The following DLGAP2 variants were observed in gnomAD, a reference collection of about 807,000 sequenced individuals.
DLGAP2 encodes the protein DLG associated protein 2.
In DLGAP2, 26 loss-of-function variants were observed where a neutral mutation model predicts 100.3. That is an observed-to-expected ratio of 0.26 (90% CI 0.19 to 0.36). The LOEUF (loss-of-function observed/expected upper bound fraction) is 0.36, where lower values mean the gene tolerates loss of function less well. Among genes scored for constraint, DLGAP2 ranks in the 10% least tolerant of loss-of-function variants. The pLI is 1.00. For missense variants in DLGAP2, 1,858 were observed against 1,453.2 expected (o/e 1.28, Z -4.53); for synonymous variants, 886 against 630.1 (o/e 1.41, Z -6.08).
At chr8:771,610 T>C (rs1313260691) in intron 1 of DLGAP2, among the ~76,000 whole-genome samples, 1 of 152,202 alleles carries the variant, frequency 6.6e-6, no homozygotes, top group African/African-American at 2.4e-5. Context: ...CCCAGGTGGT[T>C]TAGTTAAGAG....
chr8:1,641,274 C>T (rs1797892267), intron 8 of DLGAP2, among the ~76,000 whole-genome samples: 1 of 152,174 alleles, frequency 6.6e-6, no homozygotes, highest in African/African-American at 2.4e-5. Context: ...CATATGTAAG[C>T]CAGAATTGCT....
intron 1 of DLGAP2, among the ~76,000 whole-genome samples, chr8:778,290 C>T (rs191962246): frequency 2.8e-4 from 42 of 152,250 alleles, no homozygotes; most frequent in African/African-American, 9.1e-4. Flanking sequence ...CTTTGGTTTG[C>T]GTGTCCTCTC....
intron 2 of DLGAP2, among the ~76,000 whole-genome samples, chr8:1,212,006 CT>C (rs1262809146): frequency 6.6e-6 from 1 of 152,250 alleles, no homozygotes; most frequent in Non-Finnish European, 1.5e-5. Context: ...GCTCTTGGTT[CT>C]TGGTCCTTCA....
At position 737,774 on chromosome 8, in the gene DLGAP2, C is replaced by A. The variant is rs1001845339; in HGVS notation, c.-34C>A. 7 of 377,938 alleles carry A rather than the reference C, an allele frequency of 1.9e-5. No homozygotes were observed. Among genetic ancestry groups the A allele is most frequent in the African/African-American group, 1.3e-4 (6 of 47,608 alleles). The allele number at this position is 377,938 out of a possible 1,614,324, so 23.4% of individuals were successfully genotyped here. ...CTGAGGAGGGGCCGCTTCGCCATGT[C>A]GCCCCGCACCTGCTGAGCCCGGAGC... On this transcript the variant is annotated 5_prime_UTR_variant, in exon 1 of 15. The change creates a premature stop within an existing upstream ORF in the 5' untranslated region. Transcript: ENST00000637795.
rs1005635710 is a variant in DLGAP2 at position 1,666,537 on chromosome 8, C to T, written c.1811-1792C>T. Among the ~76,000 whole-genome samples the T allele has an allele frequency of 4.6e-5, 7 of 152,050 alleles. No homozygotes were observed. The South Asian group carries it at 8.3e-4, about 18-fold the overall frequency. ...CTCTATTAAAAATACAAAATTTAGC[C>T]AGGTGTGGTGGCAAGCGCTGTAATC... On this transcript the variant is annotated intron_variant, in intron 8 of 14. Transcript: ENST00000637795.
In DLGAP2 at chr8:1,626,709, A is replaced by T. The variant is rs140146630; in HGVS notation, c.1443-31A>T. 1.0e-3 allele frequency: 1,580 copies of T among 1,572,960 alleles called. 5 individuals carry two copies. The highest frequency in any genetic ancestry group is 6.5e-3 in the Middle Eastern group (39 of 6,018). ...TCTGCCCTGCAGCGGGTGCTCACAG[A>T]ATGCCTTTTCTCCTTTCTTCTTTCC... On this transcript the variant is annotated intron_variant, in intron 6 of 14. Transcript: ENST00000637795.
rs999407189 is a variant in DLGAP2 at position 1,325,166 on chromosome 8, C to T, written c.106+66283C>T. ...GCAGGGTCACTTTCCCCCAGTCCCC[C>T]AGAGCTGGTGTAGCGGATGGTCTTC... On this transcript the variant is annotated intron_variant, in intron 3 of 14. Transcript: ENST00000637795. Among the ~76,000 whole-genome samples, 11 of 152,304 alleles carry T rather than the reference C, an allele frequency of 7.2e-5. No individual in the cohort carries two copies. In the East Asian group the frequency reaches 2.1e-3, roughly 29 times the overall value.
At chr8:1,143,103 C>G (rs562538258) in intron 2 of DLGAP2, among the ~76,000 whole-genome samples, 1 of 152,172 alleles carries the variant, frequency 6.6e-6, no homozygotes, top group African/African-American at 2.4e-5. Context: ...TTGATGTTAG[C>G]GCAGCGGCCA....
chr8:1,332,310 G>C (rs913767065), intron 3 of DLGAP2, among the ~76,000 whole-genome samples: 7 of 152,204 alleles, frequency 4.6e-5, no homozygotes, highest in Non-Finnish European at 1.0e-4. Flanking sequence ...GTCAGTGTGT[G>C]TGTGTCTGTA....
chr8:1,563,013 G>T (rs1403078810), intron 5 of DLGAP2, among the ~76,000 whole-genome samples: 1 of 66,482 alleles, frequency 1.5e-5, no homozygotes. Context: ...CTCGTTGCTG[G>T]GGGGCTGTGT....
chr8:1,228,594 C>A (rs1157382198), intron 2 of DLGAP2, among the ~76,000 whole-genome samples: 3 of 152,114 alleles, frequency 2.0e-5, no homozygotes, highest in Non-Finnish European at 4.4e-5. Context: ...ATAGAACATA[C>A]CCAACTAGAT....
intron 4 of DLGAP2, among the ~76,000 whole-genome samples, chr8:1,505,490 G>T (rs115665186): frequency 1.3e-5 from 2 of 152,104 alleles, no homozygotes; most frequent in African/African-American, 4.8e-5. Flanking sequence ...TAATAAAACC[G>T]CCCACACTTG....
intron 2 of DLGAP2, among the ~76,000 whole-genome samples, chr8:1,026,465 C>T (rs1222424547): frequency 6.6e-6 from 1 of 152,174 alleles, no homozygotes; most frequent in African/African-American, 2.4e-5. Context: ...GCTGCACGTG[C>T]CTGCTCCGAC....
chr8:1,704,125 G>C lies in DLGAP2; in HGVS notation c.*2719G>C, dbSNP rs1340098483. On this transcript the variant is annotated 3_prime_UTR_variant, in exon 15 of 15. Coordinates refer to ENST00000637795, the MANE Select transcript of DLGAP2 (RefSeq NM_001346810.2). ...TTTATGATACTTGTGTTAGTCACTC[G>C]AGCTAGCTTATTTCAGCCACTTCTA... The C allele has an allele frequency of 6.6e-6, 1 of 152,584 alleles. No individual in the cohort carries two copies. Among genetic ancestry groups the C allele is most frequent in the Non-Finnish European group, 1.5e-5 (1 of 68,028 alleles). 9.5% of individuals were successfully genotyped at this position (152,584 alleles called of 1,614,324 possible). A position where few individuals can be genotyped will look rare whatever the true frequency, so the allele number is the denominator to read the frequency against.
At chr8:1,518,040 T>G (rs895884705) in intron 4 of DLGAP2, among the ~76,000 whole-genome samples, 1 of 152,206 alleles carries the variant, frequency 6.6e-6, no homozygotes, top group Non-Finnish European at 1.5e-5. Flanking sequence ...TAGAAAAATT[T>G]AAAAGTGATT....
intron 1 of DLGAP2, among the ~76,000 whole-genome samples, chr8:857,005 C>G (rs79160493): frequency 0.11 from 16,643 of 152,242 alleles, 1,384 homozygotes; most frequent in Admixed American, 0.26. Flanking sequence ...CAGTGTGGCA[C>G]TGGTAAACAA....
intron 2 of DLGAP2, among the ~76,000 whole-genome samples, chr8:919,797 C>T (rs1377483423): frequency 6.6e-6 from 1 of 152,256 alleles, no homozygotes; most frequent in East Asian, 1.9e-4. Flanking sequence ...TGCCATGTGG[C>T]TGTGCTCTCT....
At chr8:808,929 T>C (rs1310469194) in intron 1 of DLGAP2, among the ~76,000 whole-genome samples, 2 of 144,658 alleles carry the variant, frequency 1.4e-5, no homozygotes, top group African/African-American at 5.1e-5. Context: ...TTTTCTGAGA[T>C]GGAGTTTCGC....
chr8:1,698,072 G>A (rs916334190), intron 14 of DLGAP2, among the ~76,000 whole-genome samples: 1 of 152,210 alleles, frequency 6.6e-6, no homozygotes, highest in African/African-American at 2.4e-5. Flanking sequence ...TATCCAGCAA[G>A]GATGCACACC....
Sources: gnomAD v4.1 joint callset for allele counts (sites outside exome capture counted in the v4.1 genomes callset) on GRCh38, gnomAD v4.1.1 for gene constraint, MANE v1.5 for transcripts, NCBI Gene and HGNC (gene_info 2026-07-23, HGNC 2026-07-21) for gene names.